Variants in PRRG1 observed in about 807,000 individuals in gnomAD.
PRRG1 encodes transmembrane gamma-carboxyglutamic acid protein 1.
A neutral mutation model predicts 11.8 loss-of-function variants in PRRG1; 5 were observed. The observed-to-expected ratio is 0.42, with a 90% CI of 0.22 to 0.89. The LOEUF (loss-of-function observed/expected upper bound fraction) is 0.89. PRRG1 is among the 40% of genes least tolerant of loss of function. The pLI, the probability that PRRG1 is intolerant of heterozygous loss-of-function variation, is 0.28. For missense variants in PRRG1, 155 were observed against 166.1 expected (o/e 0.93, Z 0.37); for synonymous variants, 66 against 60.4 (o/e 1.09, Z -0.43).
chrX:37,402,963 T>G (rs1323012820), intron 1 of PRRG1, among the ~76,000 whole-genome samples: 24 of 111,259 alleles, frequency 2.2e-4, no homozygotes, highest in Non-Finnish European at 4.0e-4. Flanking sequence ...TGGCAATCAT[T>G]AAAAAGTCAG....
chrX:37,438,916 G>C (rs1220738017), intron 3 of PRRG1, among the ~76,000 whole-genome samples: 1 of 111,733 alleles, frequency 8.9e-6, no homozygotes, highest in Non-Finnish European at 1.9e-5. Context: ...CCTTAATAAC[G>C]GGGTTTCACT....
intron 1 of PRRG1, among the ~76,000 whole-genome samples, chrX:37,377,430 T>C (rs1178607135): frequency 8.9e-6 from 1 of 111,997 alleles, no homozygotes; most frequent in Non-Finnish European, 1.9e-5. Flanking sequence ...CTCAAGTAAT[T>C]AAGTGTGTAG....
At chrX:37,375,139 G>A (rs185936767) in intron 1 of PRRG1, among the ~76,000 whole-genome samples, 4 of 111,711 alleles carry the variant, frequency 3.6e-5, no homozygotes, top group African/African-American at 9.7e-5. Flanking sequence ...TATTATACAG[G>A]ATCCCTATTG....
chrX:37,441,876 A>G (rs2066003), intron 3 of PRRG1: 81,770 of 774,454 alleles, frequency 0.11, 9,969 homozygotes, highest in African/African-American at 0.72. Context: ...TCCTGGAGCT[A>G]CACCAGCTGG....
chrX:37,418,063 C>T (rs1395271005), intron 2 of PRRG1, among the ~76,000 whole-genome samples: 1 of 112,157 alleles, frequency 8.9e-6, no homozygotes, highest in Non-Finnish European at 1.9e-5. Context: ...ATATCCAACA[C>T]CTTTGCTTCA....
At chrX:37,399,746 T>C (rs369660149) in intron 1 of PRRG1, among the ~76,000 whole-genome samples, 3 of 104,007 alleles carry the variant, frequency 2.9e-5, no homozygotes, top group Non-Finnish European at 5.9e-5. Flanking sequence ...CATCTCACGT[T>C]CAGAGACACA....
At chrX:37,378,910 G>A (rs1169272787) in intron 1 of PRRG1, among the ~76,000 whole-genome samples, 1 of 109,724 alleles carries the variant, frequency 9.1e-6, no homozygotes, top group African/African-American at 3.3e-5. Flanking sequence ...TCAGCAGCAT[G>A]AGGGCAGGTT....
chrX:37,398,575 T>A (rs1931811295), intron 1 of PRRG1, among the ~76,000 whole-genome samples: 1 of 112,179 alleles, frequency 8.9e-6, no homozygotes, highest in Admixed American at 9.4e-5. Context: ...GCAGAGCGCC[T>A]TTCCTCCTCC....
At position 37,411,102 on chromosome X, in the gene PRRG1, G is replaced by A. The variant is rs188848330; in HGVS notation, c.10+4843G>A. On this transcript the variant is annotated intron_variant, in intron 2 of 3. Transcript: ENST00000378628. ...CTGTAGATTCAACCAACCATGGATC[G>A]AAGTTATTTGAGAAAAAAACAAAAA... 7.2e-5 allele frequency among the ~76,000 whole-genome samples: 8 copies of A among 111,393 alleles called. No homozygotes were observed. The East Asian group carries it at 1.7e-3, about 23-fold the overall frequency.
At chrX:37,407,486 A>G (rs1316568588) in intron 2 of PRRG1, among the ~76,000 whole-genome samples, 7 of 111,679 alleles carry the variant, frequency 6.3e-5, no homozygotes, top group African/African-American at 9.8e-5. Flanking sequence ...GGTATAGTAC[A>G]GTGAGAAGAA....
intron 1 of PRRG1, among the ~76,000 whole-genome samples, chrX:37,398,854 T>C (rs1395029885): frequency 3.6e-5 from 4 of 110,755 alleles, no homozygotes; most frequent in African/African-American, 9.9e-5. Flanking sequence ...CAGGAGCCGA[T>C]GCGATCAACT....
chrX:37,361,259 G>A (rs1478591045), intron 1 of PRRG1, among the ~76,000 whole-genome samples: 1 of 109,547 alleles, frequency 9.1e-6, no homozygotes, highest in Non-Finnish European at 1.9e-5. Flanking sequence ...AGAGAATGGC[G>A]TGAACCCGGG....
intron 3 of PRRG1, among the ~76,000 whole-genome samples, chrX:37,428,749 A>G (rs1932798086): frequency 8.9e-6 from 1 of 112,357 alleles, no homozygotes; most frequent in African/African-American, 3.2e-5. Flanking sequence ...GTACCCCAGT[A>G]GGGACTCTGT....
intron 3 of PRRG1, among the ~76,000 whole-genome samples, chrX:37,430,765 G>A (rs6610158): frequency 0.28 from 30,456 of 110,658 alleles, 5,881 homozygotes; most frequent in African/African-American, 0.7. Context: ...GGAAACTGAC[G>A]TTGGTACAAT....
Position 37,455,579 on chromosome X carries a change from A to G in PRRG1, c.*1958A>G, listed in dbSNP as rs1164542175. 1 of 112,281 alleles carries G rather than the reference A, an allele frequency of 8.9e-6. No homozygotes were observed. Among genetic ancestry groups the G allele is most frequent in the African/African-American group, 3.2e-5 (1 of 30,876 alleles). The allele number at this position is 112,281 out of a possible 1,213,427, so 9.3% of individuals were successfully genotyped here. ...AAAGATGATAGTCCACACAGCACAAACAGGTTTAAGCAAATGATAGAAAGG... is the reference window on the plus strand; with the variant it reads ...AAAGATGATAGTCCACACAGCACAAGCAGGTTTAAGCAAATGATAGAAAGG... On this transcript the variant is annotated 3_prime_UTR_variant, in exon 4 of 4. Coordinates refer to ENST00000378628, the MANE Select transcript of PRRG1 (RefSeq NM_001142395.2).
chrX:37,396,657 A>G (rs896405977), intron 1 of PRRG1, among the ~76,000 whole-genome samples: 1 of 111,235 alleles, frequency 9.0e-6, no homozygotes, highest in African/African-American at 3.3e-5. Flanking sequence ...AGTCTCAGGT[A>G]TGTCTTTATC....
intron 3 of PRRG1, 104 bp from the exon 4 acceptor site, chrX:37,453,032 G>C: frequency 5.2e-6 from 5 of 966,118 alleles, no homozygotes; most frequent in Non-Finnish European, 6.9e-6. Flanking sequence ...ATTTGGTTTT[G>C]GGTTTTTGTT....
chrX:37,386,248 A>T (rs960609911), intron 1 of PRRG1, among the ~76,000 whole-genome samples: 2 of 112,397 alleles, frequency 1.8e-5, no homozygotes, highest in African/African-American at 3.2e-5. Context: ...TCTACTCAAT[A>T]CATTGTGGAC....
At chrX:37,396,221 T>G (rs782011633) in intron 1 of PRRG1, among the ~76,000 whole-genome samples, 1 of 112,738 alleles carries the variant, frequency 8.9e-6, no homozygotes, top group African/African-American at 3.2e-5. Context: ...TAACTTACAA[T>G]TTTAAAAGCT....
Sources: gnomAD v4.1 joint callset for allele counts (sites outside exome capture counted in the v4.1 genomes callset) on GRCh38, gnomAD v4.1.1 for gene constraint, MANE v1.5 for transcripts, NCBI Gene and HGNC (gene_info 2026-07-23, HGNC 2026-07-21) for gene names.